The following NRK variants were observed in gnomAD, a reference collection of about 807,000 sequenced individuals.
NRK encodes Nik related kinase, also known as nik-related protein kinase.
Under a neutral mutation model 125.2 loss-of-function variants are expected in NRK, and 67 were observed. The ratio of observed to expected loss-of-function variants is 0.54; its 90% CI spans 0.44 to 0.66. The LOEUF (loss-of-function observed/expected upper bound fraction) is 0.66. NRK is among the 30% of genes least tolerant of loss of function. The probability of loss-of-function intolerance (pLI) is 0.00; values close to 1 mark genes in which losing one functional copy is unlikely to be tolerated. For missense variants in NRK, 1,224 were observed against 1,192.9 expected, an observed-to-expected ratio of 1.03 and a Z score of -0.38; for synonymous variants, 458 against 429.0, an observed-to-expected ratio of 1.07 and a Z score of -0.84.
At chrX:105,915,903 T>C in intron 15 of NRK, 106 bp downstream of exon 15, 1 of 445,861 alleles carries the variant, frequency 2.2e-6, no homozygotes, top group Non-Finnish European at 4.0e-6. Flanking sequence ...AAAATATCCG[T>C]GACAACATCA....
At position 105,893,999 on chromosome X, in the gene NRK, T is replaced by C. The variant is rs1446748279; in HGVS notation, c.489+57T>C. ...CTTTTAAGAACCTGGGAGTAATATA[T>C]ACAATGCACCTTATACCTGCTCACA... On this transcript the variant is annotated intron_variant, in intron 6 of 28. Coordinates refer to ENST00000243300, the MANE Select transcript of NRK (RefSeq NM_198465.4). 3 of 624,266 alleles carry C rather than the reference T, an allele frequency of 4.8e-6. No individual in the cohort carries two copies. The Admixed American group carries it at 8.0e-5, about 17-fold the overall frequency. The allele number at this position is 624,266 out of a possible 1,213,427, so 51.4% of individuals were successfully genotyped here.
At chrX:105,884,144 TAGAA>T (rs1039615043) in intron 4 of NRK, among the ~76,000 whole-genome samples, 10 of 112,223 alleles carry the variant, frequency 8.9e-5, no homozygotes, top group East Asian at 2.8e-4. Flanking sequence ...CACAAATAAA[TAGAA>T]AGAGGGAACC....
Position 105,823,041 on chromosome X carries a change from G to C in NRK, c.57+139G>C, listed in dbSNP as rs2039043679. 6.8e-6 allele frequency: 4 copies of C among 590,088 alleles called. No homozygotes were observed. In the South Asian group the frequency reaches 1.2e-4, roughly 18 times the overall value. 48.6% of individuals were successfully genotyped at this position (590,088 alleles called of 1,213,427 possible). ...CCCCGGGCGCGGAAGGGGATCCTGG[G>C]AGCCGGCATGCGGAAAAGGCGCCCC... On this transcript the variant is annotated intron_variant, in intron 1 of 28. Transcript: ENST00000243300.
intron 4 of NRK, among the ~76,000 whole-genome samples, chrX:105,887,001 A>G (rs1052794055): frequency 1.8e-5 from 2 of 111,453 alleles, no homozygotes; most frequent in African/African-American, 6.5e-5. Context: ...GAAAACAAGG[A>G]TAAAGCTTTG....
chrX:105,886,761 AAAAT>A (rs2039952644), intron 4 of NRK, among the ~76,000 whole-genome samples: 1 of 109,048 alleles, frequency 9.2e-6, no homozygotes, highest in Non-Finnish European at 1.9e-5. Flanking sequence ...ATTATCGAAA[AAAAT>A]AAAAATAAAT....
intron 14 of NRK, among the ~76,000 whole-genome samples, chrX:105,913,841 T>C (rs778593720): frequency 9.0e-6 from 1 of 110,836 alleles, no homozygotes; most frequent in African/African-American, 3.3e-5. Context: ...TAATCTATGT[T>C]TTGTTTTGTT....
chrX:105,905,589 T>C (rs1226421231), intron 10 of NRK, among the ~76,000 whole-genome samples: 1 of 112,874 alleles, frequency 8.9e-6, no homozygotes, highest in Non-Finnish European at 1.9e-5. Flanking sequence ...TTAATGGGCA[T>C]GTTCAGTTGT....
rs185603258 is a variant in NRK at position 105,949,919 on chromosome X, G to A, written c.4513+185G>A. Among the ~76,000 whole-genome samples, 224 of 111,495 alleles carry A rather than the reference G, an allele frequency of 2.0e-3. 3 individuals are homozygous for A. Among genetic ancestry groups the A allele is most frequent in the African/African-American group, 7.0e-3 (214 of 30,729 alleles). ...TATTTGTCCTATGCTTAATGAATTC[G>A]TGAGAGTACCACAAAGAGACTCATT... On this transcript the variant is annotated intron_variant, in intron 27 of 28. Transcript: ENST00000243300.
chrX:105,822,259 T>A (rs1602580735), upstream of NRK, among the ~76,000 whole-genome samples: 1 of 88,120 alleles, frequency 1.1e-5, no homozygotes, highest in Non-Finnish European at 2.1e-5. Flanking sequence ...AAGTTTCCTG[T>A]GGAACACTCG....
chrX:105,904,445 T>C (rs909299859), intron 9 of NRK, among the ~76,000 whole-genome samples: 9 of 112,091 alleles, frequency 8.0e-5, no homozygotes, highest in Non-Finnish European at 1.7e-4. Flanking sequence ...AGAGTTAACA[T>C]CTTTGTTATA....
At chrX:105,892,195 A>C (rs183443610) in intron 5 of NRK, among the ~76,000 whole-genome samples, 130 of 112,163 alleles carry the variant, frequency 1.2e-3, no homozygotes, top group East Asian at 0.011. Context: ...ATAATCACAC[A>C]CATAAATGTA....
At chrX:105,943,804 G>A in intron 23 of NRK, 137 bp from the exon 24 acceptor site, 8 of 410,783 alleles carry the variant, frequency 1.9e-5, no homozygotes, top group Middle Eastern at 6.9e-4. Context: ...GCATCAAATT[G>A]TAACCAAGTA....
chrX:105,942,773 C>T (rs936624524), intron 23 of NRK, among the ~76,000 whole-genome samples: 3 of 110,306 alleles, frequency 2.7e-5, no homozygotes, highest in African/African-American at 9.9e-5. Context: ...TGCTTGCCAC[C>T]ACACCCAGCT....
chrX:105,867,533 A>G (rs1423497197), intron 2 of NRK, among the ~76,000 whole-genome samples: 2 of 112,141 alleles, frequency 1.8e-5, no homozygotes, highest in East Asian at 5.6e-4. Flanking sequence ...GTAACACATA[A>G]ATGGTTAAAA....
At chrX:105,828,907 C>G (rs191550404) in intron 1 of NRK, among the ~76,000 whole-genome samples, 17 of 111,940 alleles carry the variant, frequency 1.5e-4, no homozygotes, top group Admixed American at 1.3e-3. Flanking sequence ...GGAACTATTT[C>G]TTTGAAATGA....
In NRK at chrX:105,900,711, A is replaced by G. The variant is rs192086157; in HGVS notation, c.766+39A>G. 6.3e-5 allele frequency: 51 copies of G among 809,120 alleles called. No individual in the cohort carries two copies. In the East Asian group the frequency reaches 1.7e-3, roughly 27 times the overall value. 66.7% of individuals were successfully genotyped at this position (809,120 alleles called of 1,213,427 possible). ...GTTTGATATTTGTTAAAGATTAGGGAAATGTACTGTACAAATCATACAAAT... is the reference window on the plus strand; with the variant it reads ...GTTTGATATTTGTTAAAGATTAGGGGAATGTACTGTACAAATCATACAAAT... On this transcript the variant is annotated intron_variant, in intron 9 of 28. Transcript: ENST00000243300.
intron 19 of NRK, among the ~76,000 whole-genome samples, chrX:105,925,990 G>A (rs568060678): frequency 1.8e-5 from 2 of 110,745 alleles, no homozygotes; most frequent in South Asian, 7.6e-4. Context: ...TGGATCATAT[G>A]GTAGTTCTAT....
intron 24 of NRK, among the ~76,000 whole-genome samples, chrX:105,945,502 G>A (rs756651620): frequency 9.9e-5 from 11 of 111,632 alleles, no homozygotes; most frequent in African/African-American, 3.3e-4. Flanking sequence ...GACAAATCAC[G>A]TCACATCCCT....
At position 105,939,910 on chromosome X, in the gene NRK, G is replaced by A; in HGVS notation, c.3836G>A (p.Trp1279Ter). 1 of 1,190,074 alleles carries A rather than the reference G, an allele frequency of 8.4e-7. No homozygotes were observed. Among genetic ancestry groups the A allele is most frequent in the Non-Finnish European group, 1.1e-6 (1 of 877,784 alleles). ...KNRLRVYHLT[W>*]LRNKILNNDP... ...AGACTTCGGGTGTATCATCTGACCT[G>A]GTTGAGGAACAAGATTTTGAATAAT... The change falls in exon 23 of 29, where the codon TGG (tryptophan) becomes TAG (stop). Residue 1279 changes from tryptophan (W) to a stop codon, truncating the protein, a stop_gained. Coordinates refer to ENST00000243300, the MANE Select transcript of NRK (RefSeq NM_198465.4). LOFTEE classifies it high-confidence loss of function.
Sources: gnomAD v4.1 joint callset for allele counts (sites outside exome capture counted in the v4.1 genomes callset) on GRCh38, gnomAD v4.1.1 for gene constraint, MANE v1.5 for transcripts, NCBI Gene and HGNC (gene_info 2026-07-23, HGNC 2026-07-21) for gene names.